Variants in EXOC4 observed in about 807,000 individuals in gnomAD.
EXOC4 encodes the protein SEC8-like 1.
EXOC4 carries 71 observed loss-of-function variants against 107.2 expected under a neutral mutation model. The ratio of observed to expected loss-of-function variants is 0.66; its 90% CI spans 0.55 to 0.81. EXOC4 has a LOEUF of 0.81. EXOC4 is among the 30% of genes least tolerant of loss of function. The pLI is 0.00. For missense variants in EXOC4, 1,108 were observed against 1,189.6 expected (o/e 0.93, Z 1.01); for synonymous variants, 456 against 441.2 (o/e 1.03, Z -0.42).
At chr7:133,433,078 A>G (rs375617377) in intron 7 of EXOC4, among the ~76,000 whole-genome samples, 6 of 152,356 alleles carry the variant, frequency 3.9e-5, no homozygotes, top group Non-Finnish European at 7.3e-5. Context: ...AGTAGTATCA[A>G]TGGCAGACTT....
intron 9 of EXOC4, among the ~76,000 whole-genome samples, chr7:133,608,357 A>AT (rs1199050663): frequency 1.3e-5 from 2 of 152,014 alleles, no homozygotes; most frequent in Non-Finnish European, 2.9e-5. Context: ...GAATAGATCT[A>AT]TATTTGTTAT....
At chr7:133,383,746 A>T (rs1796667528) in intron 7 of EXOC4, among the ~76,000 whole-genome samples, 1 of 152,150 alleles carries the variant, frequency 6.6e-6, no homozygotes, top group South Asian at 2.1e-4. Context: ...AAACAAACCT[A>T]TTTTAGTATT....
rs151319690 is a variant in EXOC4, at chr7:133,836,792, C to A, written c.1734+19248C>A. Among the ~76,000 whole-genome samples the A allele has an allele frequency of 2.4e-3, 366 of 152,284 alleles. 5 individuals carry two copies. Among genetic ancestry groups the A allele is most frequent in the African/African-American group, 8.2e-3 (342 of 41,558 alleles). ...TCCATCCTCCTGCCTCCCTCAACCGCAAGTCCTTGAGCAGCTAATCCTTTT... is the reference window on the plus strand; with the variant it reads ...TCCATCCTCCTGCCTCCCTCAACCGAAAGTCCTTGAGCAGCTAATCCTTTT... On this transcript the variant is annotated intron_variant, in intron 11 of 17. Coordinates refer to ENST00000253861, the MANE Select transcript of EXOC4 (RefSeq NM_021807.4).
At position 133,732,629 on chromosome 7, in the gene EXOC4, T is replaced by C. The variant is rs147502304; in HGVS notation, c.1515-84696T>C. Reference sequence around the variant, plus strand: ...GCCCTTTCCCAATTCAAACTTGGGCTTAGCATTTTTACTTTTCTAACCAAG... The same window carrying C: ...GCCCTTTCCCAATTCAAACTTGGGCCTAGCATTTTTACTTTTCTAACCAAG... On this transcript the variant is annotated intron_variant, in intron 10 of 17. Transcript: ENST00000253861. The C allele has an allele frequency of 4.8e-3, 737 of 153,800 alleles. 3 individuals carry two copies. The highest frequency in any genetic ancestry group is 0.017 in the Middle Eastern group (5 of 302). The allele number at this position is 153,800 out of a possible 1,614,324, so 9.5% of individuals were successfully genotyped here.
intron 14 of EXOC4, among the ~76,000 whole-genome samples, chr7:133,955,415 G>A (rs1800793519): frequency 6.6e-6 from 1 of 152,194 alleles, no homozygotes; most frequent in Admixed American, 6.5e-5. Context: ...ACCCTGGAGT[G>A]GGTAGCTCCT....
intron 17 of EXOC4, 43 bp from the exon 18 acceptor site, chr7:134,064,248 C>T (rs768608515): frequency 7.6e-7 from 1 of 1,322,448 alleles, no homozygotes; most frequent in Non-Finnish European, 1.0e-6. Context: ...GACGACGTTA[C>T]CAGTGGGGAG....
the EXOC4 span, among the ~76,000 whole-genome samples, chr7:134,097,832 A>C: frequency 6.6e-6 from 1 of 152,176 alleles, no homozygotes; most frequent in African/African-American, 2.4e-5. Context: ...GGCCTGGAAG[A>C]TGTTCATGGT....
At chr7:133,503,955 G>T (rs1209540570) in intron 9 of EXOC4, among the ~76,000 whole-genome samples, 2 of 151,766 alleles carry the variant, frequency 1.3e-5, no homozygotes, top group Non-Finnish European at 2.9e-5. Flanking sequence ...TGTTACATGT[G>T]TGTGTGTATA....
chr7:133,580,361 G>A (rs1029944790), intron 9 of EXOC4, among the ~76,000 whole-genome samples: 8 of 152,142 alleles, frequency 5.3e-5, no homozygotes, highest in African/African-American at 1.9e-4. Context: ...TATCTACTCA[G>A]AAGTGGAATT....
At chr7:133,568,660 T>C (rs1385086621) in intron 9 of EXOC4, among the ~76,000 whole-genome samples, 1 of 152,114 alleles carries the variant, frequency 6.6e-6, no homozygotes, top group Non-Finnish European at 1.5e-5. Context: ...ATAGAGCATA[T>C]TAAAACTTAG....
At chr7:133,267,305 C>G (rs771590356) in intron 1 of EXOC4, among the ~76,000 whole-genome samples, 2 of 152,128 alleles carry the variant, frequency 1.3e-5, no homozygotes, top group Non-Finnish European at 2.9e-5. Flanking sequence ...GGTCTGGCTC[C>G]CAGTTTTCTC....
At chr7:133,317,482 T>C in intron 5 of EXOC4, 92 bp downstream of exon 5, 2 of 883,430 alleles carry the variant, frequency 2.3e-6, no homozygotes, top group East Asian at 2.5e-5. Flanking sequence ...CTGAGCTAGG[T>C]TGGGCTGGGC....
chr7:134,072,424 G>A, the EXOC4 span, among the ~76,000 whole-genome samples: 37 of 152,254 alleles, frequency 2.4e-4, no homozygotes, highest in Middle Eastern at 6.8e-3. Context: ...GCAGGGTCTC[G>A]CTGTATCGCC....
Position 133,827,735 on chromosome 7 carries a change from A to G in EXOC4, c.1734+10191A>G, listed in dbSNP as rs895383397. ...GATGCAACTTTTAAAGAATTCATCTACTACATCTGGGTTACGAGGTCAGTT... is the reference window on the plus strand; with the variant it reads ...GATGCAACTTTTAAAGAATTCATCTGCTACATCTGGGTTACGAGGTCAGTT... On this transcript the variant is annotated intron_variant, in intron 11 of 17. Coordinates refer to ENST00000253861, the MANE Select transcript of EXOC4 (RefSeq NM_021807.4). 3.9e-5 allele frequency among the ~76,000 whole-genome samples: 6 copies of G among 152,346 alleles called. No individual in the cohort carries two copies. In the South Asian group the frequency reaches 1.0e-3, roughly 26 times the overall value.
At chr7:133,690,062 A>G (rs1229690952) in intron 10 of EXOC4, among the ~76,000 whole-genome samples, 1 of 152,150 alleles carries the variant, frequency 6.6e-6, no homozygotes, top group African/African-American at 2.4e-5. Context: ...TGCCAGCTAA[A>G]ACTGGCCTGT....
rs1360590848 is a variant in EXOC4, at chr7:134,007,661, G to A, written c.2528-15G>A. The A allele has an allele frequency of 6.2e-7, 1 of 1,609,276 alleles. No homozygotes were observed. The highest frequency in any genetic ancestry group is 8.5e-7 in the Non-Finnish European group (1 of 1,177,702). Reference sequence around the variant, plus strand: ...TCATCCGTTTTCTTTGCCCCGCACTGTGCTGACCCCTCAGGCCTGGGCCAC... The same window carrying A: ...TCATCCGTTTTCTTTGCCCCGCACTATGCTGACCCCTCAGGCCTGGGCCAC... On this transcript the variant is annotated splice_polypyrimidine_tract_variant and intron_variant, in intron 16 of 17. Transcript: ENST00000253861.
chr7:133,836,530 C>T (rs965746450), intron 11 of EXOC4, among the ~76,000 whole-genome samples: 10 of 152,098 alleles, frequency 6.6e-5, no homozygotes, highest in African/African-American at 2.2e-4. Context: ...CTGAAGTTCC[C>T]GAAAAGTAAC....
chr7:133,701,997 CTTTTT>C (rs71162021), intron 10 of EXOC4, among the ~76,000 whole-genome samples: 1 of 66,608 alleles, frequency 1.5e-5, no homozygotes, highest in East Asian at 4.9e-4. Context: ...TTCTTTCTTT[CTTTTT>C]TTTTTTTTTT....
chr7:133,730,524 C>A (rs1054748583), intron 10 of EXOC4, among the ~76,000 whole-genome samples: 5 of 152,086 alleles, frequency 3.3e-5, no homozygotes, highest in Non-Finnish European at 7.4e-5. Flanking sequence ...CGAAAGTCAA[C>A]TTGGTGAGCT....
Sources: gnomAD v4.1 joint callset for allele counts (sites outside exome capture counted in the v4.1 genomes callset) on GRCh38, gnomAD v4.1.1 for gene constraint, MANE v1.5 for transcripts, NCBI Gene and HGNC (gene_info 2026-07-23, HGNC 2026-07-21) for gene names.